The following CAMTA1 variants were observed in gnomAD, a reference collection of about 807,000 sequenced individuals.
CAMTA1 encodes calmodulin binding transcription activator 1, also known as calmodulin-binding transcription activator 1.
In CAMTA1, 27 loss-of-function variants were observed where a neutral mutation model predicts 170.9. The ratio of observed to expected loss-of-function variants is 0.16; its 90% CI spans 0.12 to 0.22. The LOEUF (loss-of-function observed/expected upper bound fraction) is 0.22. Ranked by LOEUF, CAMTA1 falls within the 10% of genes least tolerant of loss-of-function variation. CAMTA1 has a pLI of 1.00. For missense variants in CAMTA1, 1,619 were observed against 2,217.2 expected (o/e 0.73, Z 5.42); for synonymous variants, 833 against 891.5 (o/e 0.93, Z 1.17).
intron 5 of CAMTA1, among the ~76,000 whole-genome samples, chr1:7,266,174 G>A (rs754055942): frequency 1.4e-4 from 22 of 152,156 alleles, no homozygotes; most frequent in Non-Finnish European, 2.5e-4. Flanking sequence ...CTGCCCCGAG[G>A]CAGGTCTGCA....
At chr1:6,892,311 C>A (rs1674676475) in intron 3 of CAMTA1, among the ~76,000 whole-genome samples, 1 of 152,206 alleles carries the variant, frequency 6.6e-6, no homozygotes, top group South Asian at 2.1e-4. Flanking sequence ...GACATTGACA[C>A]TACCAGCACC....
intron 5 of CAMTA1, among the ~76,000 whole-genome samples, chr1:7,386,764 G>C (rs957613494): frequency 6.6e-6 from 1 of 152,188 alleles, no homozygotes; most frequent in East Asian, 1.9e-4. Flanking sequence ...TAAGAAGTCA[G>C]TAGGAAAATG....
rs1018863174 is a variant in CAMTA1 at position 7,321,536 on chromosome 1, C to A, written c.438+71910C>A. On this transcript the variant is annotated intron_variant, in intron 5 of 22. Coordinates refer to ENST00000303635, the MANE Select transcript of CAMTA1 (RefSeq NM_015215.4). Reference sequence around the variant, plus strand: ...CTTTCCTGTGGAACATGCTCATCCCCAGGTATTCTGGGCATACATGGTAGA... The same window carrying A: ...CTTTCCTGTGGAACATGCTCATCCCAAGGTATTCTGGGCATACATGGTAGA... Among the ~76,000 whole-genome samples, 4 of 152,182 alleles carry A rather than the reference C, an allele frequency of 2.6e-5. No homozygotes were observed. In the East Asian group the frequency reaches 5.8e-4, roughly 22 times the overall value.
intron 4 of CAMTA1, among the ~76,000 whole-genome samples, chr1:7,168,326 C>A (rs1648920609): frequency 6.6e-6 from 1 of 152,152 alleles, no homozygotes; most frequent in Non-Finnish European, 1.5e-5. Context: ...GATTTTATTT[C>A]TTATTCTTGC....
chr1:7,704,582 C>T (rs1184423077), intron 11 of CAMTA1, among the ~76,000 whole-genome samples: 1 of 148,684 alleles, frequency 6.7e-6, no homozygotes, highest in Non-Finnish European at 1.5e-5. Context: ...AGCGGCTCCG[C>T]GCCCCGCACC....
At chr1:7,757,652 G>A (rs1282492420) in intron 22 of CAMTA1, among the ~76,000 whole-genome samples, 1 of 151,964 alleles carries the variant, frequency 6.6e-6, no homozygotes, top group South Asian at 2.1e-4. Context: ...AGGAGAATCT[G>A]TTGAACCCGG....
At chr1:7,096,398 A>G (rs928061440) in intron 4 of CAMTA1, among the ~76,000 whole-genome samples, 18 of 151,878 alleles carry the variant, frequency 1.2e-4, no homozygotes, top group African/African-American at 4.4e-4. Context: ...CCCCGACACC[A>G]TGGTCTCACC....
intron 11 of CAMTA1, among the ~76,000 whole-genome samples, chr1:7,695,646 A>C (rs1343566256): frequency 6.6e-6 from 1 of 152,042 alleles, no homozygotes; most frequent in Non-Finnish European, 1.5e-5. Context: ...AGAGCCAGTG[A>C]GGTGCTGGCC....
chr1:7,529,936 C>T (rs1355413724), intron 6 of CAMTA1, among the ~76,000 whole-genome samples: 1 of 152,244 alleles, frequency 6.6e-6, no homozygotes, highest in African/African-American at 2.4e-5. Flanking sequence ...TAAGAAGCTT[C>T]CTGCACAGGT....
At position 7,532,713 on chromosome 1, in the gene CAMTA1, G is replaced by A. The variant is rs1264907853; in HGVS notation, c.510+64812G>A. Among the ~76,000 whole-genome samples the A allele has an allele frequency of 6.6e-6, 1 of 152,352 alleles. No individual in the cohort carries two copies. Among genetic ancestry groups the A allele is most frequent in the South Asian group, 2.1e-4 (1 of 4,828 alleles). On this transcript the variant is annotated intron_variant, in intron 6 of 22. Coordinates refer to ENST00000303635, the MANE Select transcript of CAMTA1 (RefSeq NM_015215.4). The surrounding 1 kb of genome is among the most constrained non-coding windows in gnomAD (Gnocchi z 4.2). ...CCTCCCCATCAGCCTGGTAGTGACT[G>A]TTTACGATGGGTGCCCAATCGCTGA...
At chr1:6,848,854 G>A (rs1659307723) in intron 3 of CAMTA1, among the ~76,000 whole-genome samples, 1 of 152,058 alleles carries the variant, frequency 6.6e-6, no homozygotes, top group East Asian at 1.9e-4. Context: ...CTTAATAGAT[G>A]AAGAGGAGAG....
Position 7,654,971 on chromosome 1 carries a change from TACAC to T in CAMTA1, c.665-6748_665-6745del, listed in dbSNP as rs761477769. Among the ~76,000 whole-genome samples the T allele has an allele frequency of 1.3e-4, 17 of 128,406 alleles. 1 individual carries two copies. The highest frequency in any genetic ancestry group is 6.5e-4 in the Admixed American group (8 of 12,284). The allele number at this position is 128,406 out of a possible 152,430, so 84.2% of individuals were successfully genotyped here. On this transcript the variant is annotated intron_variant, in intron 7 of 22. Transcript: ENST00000303635. The stretch of plus-strand genomic sequence containing the variant: ...ATACACACACAAACACACCCACCTA[TACAC>T]ACACACCTATACACACACCCACACA...
chr1:7,307,982 A>G (rs913382990), intron 5 of CAMTA1, among the ~76,000 whole-genome samples: 3 of 151,956 alleles, frequency 2.0e-5, no homozygotes, highest in Non-Finnish European at 2.9e-5. Flanking sequence ...CTAGGCCTAG[A>G]GAATTTTTTT....
At chr1:7,168,420 T>G (rs943762540) in intron 4 of CAMTA1, among the ~76,000 whole-genome samples, 1 of 152,150 alleles carries the variant, frequency 6.6e-6, no homozygotes, top group Admixed American at 6.5e-5. Flanking sequence ...GTTTGTTTTT[T>G]GAGACAGAGT....
intron 3 of CAMTA1, among the ~76,000 whole-genome samples, chr1:6,966,609 A>C (rs1268240650): frequency 6.9e-5 from 2 of 29,138 alleles, no homozygotes; most frequent in Admixed American, 6.1e-4. Context: ...CACTTTTGAA[A>C]CCTTTTTTTT....
intron 5 of CAMTA1, among the ~76,000 whole-genome samples, chr1:7,304,025 G>A (rs1175125321): frequency 2.0e-5 from 3 of 152,194 alleles, no homozygotes; most frequent in Non-Finnish European, 4.4e-5. Flanking sequence ...AATTCAGAGA[G>A]ACAGGGATTA....
chr1:6,935,091 G>A (rs2149391510), intron 3 of CAMTA1, among the ~76,000 whole-genome samples: 1 of 152,180 alleles, frequency 6.6e-6, no homozygotes, highest in East Asian at 1.9e-4. Flanking sequence ...AAATTGTGGT[G>A]AAAATCTTCC....
At chr1:7,688,325 C>G (rs973520785) in intron 11 of CAMTA1, among the ~76,000 whole-genome samples, 1 of 152,158 alleles carries the variant, frequency 6.6e-6, no homozygotes, top group Non-Finnish European at 1.5e-5. Context: ...TATTCTACCA[C>G]AGCATTTGGA....
intron 6 of CAMTA1, among the ~76,000 whole-genome samples, chr1:7,579,104 C>T (rs2095232493): frequency 6.6e-6 from 1 of 152,214 alleles, no homozygotes. Flanking sequence ...ACATTGAGAC[C>T]TGGGGCAACA....
Sources: gnomAD v4.1 joint callset for allele counts (sites outside exome capture counted in the v4.1 genomes callset) on GRCh38, gnomAD v4.1.1 for gene constraint, Gnocchi (gnomAD v3.1) non-coding constraint, MANE v1.5 for transcripts, NCBI Gene and HGNC (gene_info 2026-07-23, HGNC 2026-07-21) for gene names.